The following DLG5 variants were observed in gnomAD, a reference collection of about 807,000 sequenced individuals.
DLG5 encodes disks large homolog 5.
A neutral mutation model predicts 189.8 loss-of-function variants in DLG5; 48 were observed. The ratio of observed to expected loss-of-function variants is 0.25; its 90% CI spans 0.20 to 0.32. The LOEUF (loss-of-function observed/expected upper bound fraction) is 0.32. Among genes scored for constraint, DLG5 ranks in the 10% least tolerant of loss-of-function variants. The pLI, the probability that DLG5 is intolerant of heterozygous loss-of-function variation, is 1.00. For missense variants in DLG5, 2,160 were observed against 2,544.7 expected (o/e 0.85, Z 3.25); for synonymous variants, 1,016 against 1,054.1 (o/e 0.96, Z 0.70).
chr10:77,855,843 C>CT (rs1844203756), intron 3 of DLG5, among the ~76,000 whole-genome samples: 1 of 152,206 alleles, frequency 6.6e-6, no homozygotes, highest in African/African-American at 2.4e-5. Flanking sequence ...CTCCAGACCT[C>CT]TACCAGCATG....
At chr10:77,910,328 T>G (rs1156687865) in intron 1 of DLG5, among the ~76,000 whole-genome samples, 1 of 152,142 alleles carries the variant, frequency 6.6e-6, no homozygotes, top group Non-Finnish European at 1.5e-5. Flanking sequence ...GCTACCAAAC[T>G]CTACTGGCCG....
chr10:77,939,296 G>C, the DLG5 span, among the ~76,000 whole-genome samples: 1 of 152,180 alleles, frequency 6.6e-6, no homozygotes, highest in Non-Finnish European at 1.5e-5. Flanking sequence ...CCCTGCCGGT[G>C]GGTGCAGACA....
chr10:77,849,201 A>G (rs1385032387), intron 5 of DLG5, among the ~76,000 whole-genome samples: 1 of 152,224 alleles, frequency 6.6e-6, no homozygotes, highest in Non-Finnish European at 1.5e-5. Context: ...GAAGCCCCAC[A>G]AATCCCTCAA....
chr10:77,918,395 G>C (rs1441794111), intron 1 of DLG5, among the ~76,000 whole-genome samples: 4 of 151,820 alleles, frequency 2.6e-5, no homozygotes, highest in African/African-American at 9.7e-5. Flanking sequence ...CTAGGTGACA[G>C]AGTGAGACTC....
At chr10:77,820,364 A>C (rs1278207318) in intron 15 of DLG5, 2 of 193,432 alleles carry the variant, frequency 1.0e-5, no homozygotes, top group Admixed American at 5.5e-5. Flanking sequence ...AAAAAAAAAA[A>C]AACCAAACAG....
rs1480302343 is a variant in DLG5, at chr10:77,856,840, C to T, written c.426G>A (p.Val142=). The T allele has an allele frequency of 6.2e-7, 1 of 1,612,952 alleles. No homozygotes were observed. Among genetic ancestry groups the T allele is most frequent in the East Asian group, 2.2e-5 (1 of 44,888 alleles). The stretch of plus-strand genomic sequence containing the variant: ...TGGAGAGGTTCTCCACCTTCTCATT[C>T]ACTTGCTGGTCAGTGAGGAGGGGTG... ...SPPPLLTDQQ[V]NEKVENLSIQ... Residue 142 remains valine, a synonymous_variant, in exon 3 of 32, where the codon GTG becomes GTA. Coordinates refer to ENST00000372391, the MANE Select transcript of DLG5 (RefSeq NM_004747.4).
chr10:77,901,207 A>G (rs1025040917), intron 1 of DLG5, among the ~76,000 whole-genome samples: 3 of 152,084 alleles, frequency 2.0e-5, no homozygotes, highest in African/African-American at 7.2e-5. Flanking sequence ...GGCACAACTT[A>G]TCAGTCCCCA....
chr10:77,816,013 G>A, intron 20 of DLG5: 1 of 424,934 alleles, frequency 2.4e-6, no homozygotes, highest in Non-Finnish European at 4.7e-6. Context: ...CCAGTAAAAA[G>A]CTAGGCTGCA....
In DLG5 at chr10:77,812,069, C is replaced by T. The variant is rs763434653; in HGVS notation, c.4189-12G>A. The T allele has an allele frequency of 1.9e-6, 3 of 1,608,378 alleles. No homozygotes were observed. The highest frequency in any genetic ancestry group is 2.7e-5 in the African/African-American group (2 of 74,916). On this transcript the variant is annotated splice_polypyrimidine_tract_variant and intron_variant, in intron 21 of 31. Transcript: ENST00000372391. ...TTTATGCCGTTGAACTGGGGAAACA[C>T]CAGGATGGGCTCAGTGGGGGGGTCG...
intron 2 of DLG5, chr10:77,868,088 G>A (rs1358305405): frequency 8.8e-6 from 4 of 456,406 alleles, no homozygotes; most frequent in Admixed American, 2.3e-5. Context: ...TTCAGCCTGC[G>A]TGGCCTCACT....
intron 30 of DLG5, 127 bp downstream of exon 30, chr10:77,794,722 A>T: frequency 1.5e-6 from 1 of 687,860 alleles, no homozygotes; most frequent in Non-Finnish European, 2.5e-6. Context: ...CGTACTGCCT[A>T]TTTCAAGACC....
At chr10:77,814,505 A>ATATATCTATC (rs36102159) in intron 20 of DLG5, among the ~76,000 whole-genome samples, 5 of 110,252 alleles carry the variant, frequency 4.5e-5, no homozygotes, top group African/African-American at 1.0e-4. Flanking sequence ...ATATATATAT[A>ATATATCTATC]TCCAAAGGGT....
intron 2 of DLG5, chr10:77,867,177 C>A: frequency 2.3e-6 from 1 of 427,132 alleles, no homozygotes. Flanking sequence ...GGTCCAGCTG[C>A]CCAAGAAATA....
intron 1 of DLG5, among the ~76,000 whole-genome samples, chr10:77,872,313 A>G (rs1409382943): frequency 6.6e-6 from 1 of 152,136 alleles, no homozygotes; most frequent in East Asian, 1.9e-4. Context: ...CTGTTAATTA[A>G]GCTTGGCAGA....
rs906415356 is a variant in DLG5, at chr10:77,926,065, G to A, written c.304+152C>T. ...GGGAGGCGGCGGGACTTCGGGATCC[G>A]CGCACCGCCGCCTCCCCAACTGGGC... On this transcript the variant is annotated intron_variant, in intron 1 of 31. Transcript: ENST00000372391. This position sits in a 1 kb window ranked among gnomAD's most constrained non-coding sequence, Gnocchi z 5.2. 18 of 807,130 alleles carry A rather than the reference G, an allele frequency of 2.2e-5. No homozygotes were observed. The African/African-American group carries it at 2.9e-4, about 13-fold the overall frequency. The allele number at this position is 807,130 out of a possible 1,614,324, so 50.0% of individuals were successfully genotyped here.
intron 8 of DLG5, 108 bp from the exon 9 acceptor site, chr10:77,834,147 T>G: frequency 7.1e-7 from 1 of 1,405,572 alleles, no homozygotes; most frequent in Non-Finnish European, 9.5e-7. Context: ...TGCCGGCACC[T>G]ATCCCATCCC....
intron 13 of DLG5, 103 bp from the exon 14 acceptor site, chr10:77,824,579 A>C: frequency 2.2e-6 from 2 of 900,000 alleles, no homozygotes; most frequent in Non-Finnish European, 3.4e-6. Context: ...CAGTCACCAA[A>C]TGCAAGGTGC....
chr10:77,851,997 G>A (rs1430892133), intron 5 of DLG5, among the ~76,000 whole-genome samples: 1 of 152,202 alleles, frequency 6.6e-6, no homozygotes, highest in Non-Finnish European at 1.5e-5. Context: ...AGGGTCAGGA[G>A]GAGATGGGAA....
In DLG5 at chr10:77,858,007, G is replaced by A. The variant is rs570836204; in HGVS notation, c.374-1115C>T. Reference sequence around the variant, plus strand: ...TTGGTCAAATGTTCATGCAAACCAAGAGTCCCCCAACCCAAGACAAAAGCA... The same window carrying A: ...TTGGTCAAATGTTCATGCAAACCAAAAGTCCCCCAACCCAAGACAAAAGCA... On this transcript the variant is annotated intron_variant, in intron 2 of 31. Transcript: ENST00000372391. 7.9e-5 allele frequency among the ~76,000 whole-genome samples: 12 copies of A among 152,274 alleles called. No individual in the cohort carries two copies. In the East Asian group the frequency reaches 2.3e-3, roughly 29 times the overall value.
Sources: allele counts gnomAD v4.1 joint callset (sites outside exome capture counted in the v4.1 genomes callset), GRCh38; gene constraint gnomAD v4.1.1; non-coding constraint Gnocchi (gnomAD v3.1); transcripts MANE v1.5; gene names NCBI Gene and HGNC (gene_info 2026-07-23, HGNC 2026-07-21).